The following USP31 variants were observed in gnomAD, a reference collection of about 807,000 sequenced individuals.
USP31 encodes the protein ubiquitin specific peptidase 31, also known as ubiquitin carboxyl-terminal hydrolase 31.
In USP31, 44 loss-of-function variants were observed where a neutral mutation model predicts 119.4. The observed-to-expected ratio is 0.37, with a 90% CI of 0.29 to 0.47. USP31 has a LOEUF of 0.47. Ranked by LOEUF, USP31 falls within the 20% of genes least tolerant of loss-of-function variation. The pLI is 0.99. For missense variants in USP31, 1,643 were observed against 1,730.2 expected (o/e 0.95, Z 0.89); for synonymous variants, 749 against 705.6 (o/e 1.06, Z -0.97).
chr16:23,113,048 TA>T (rs1323503069), intron 1 of USP31, among the ~76,000 whole-genome samples: 3 of 150,298 alleles, frequency 2.0e-5, no homozygotes, highest in East Asian at 3.9e-4. Context: ...AAAGAATTAA[TA>T]AAAAAAACAT....
At chr16:23,113,442 G>A (rs910579938) in intron 1 of USP31, among the ~76,000 whole-genome samples, 2 of 152,178 alleles carry the variant, frequency 1.3e-5, no homozygotes, top group Non-Finnish European at 2.9e-5. Flanking sequence ...GAAGCAAAGA[G>A]GTGGCAGCCA....
At chr16:23,099,916 G>A (rs1013797717) in intron 6 of USP31, among the ~76,000 whole-genome samples, 2 of 152,112 alleles carry the variant, frequency 1.3e-5, no homozygotes, top group African/African-American at 4.8e-5. Context: ...TGGCCAACAA[G>A]CACAAGAAAA....
At chr16:23,116,229 A>C (rs1156503017) in intron 1 of USP31, among the ~76,000 whole-genome samples, 1 of 152,128 alleles carries the variant, frequency 6.6e-6, no homozygotes, top group Admixed American at 6.5e-5. Context: ...AAACAAAAAA[A>C]ACAGAAGAAC....
At chr16:23,071,002 T>C (rs145957936) in intron 15 of USP31, among the ~76,000 whole-genome samples, 240 of 152,276 alleles carry the variant, frequency 1.6e-3, no homozygotes, top group African/African-American at 5.6e-3. Flanking sequence ...TGACAGTGAA[T>C]TCTAAGTTTA....
At position 23,063,168 on chromosome 16, in the gene USP31, A is replaced by G. The variant is rs1289577887; in HGVS notation, c.*4878T>C. On this transcript the variant is annotated 3_prime_UTR_variant, in exon 16 of 16. Coordinates refer to ENST00000219689, the MANE Select transcript of USP31 (RefSeq NM_020718.4). ...TCAGAAGAGGCTTAAAAGAATCTTG[A>G]GGAAAATACATGTGTGAGATTCAAA... The G allele has an allele frequency of 6.6e-6, 1 of 152,240 alleles. No homozygotes were observed. Among genetic ancestry groups the G allele is most frequent in the Non-Finnish European group, 1.5e-5 (1 of 68,044 alleles). The allele number at this position is 152,240 out of a possible 1,614,324, so 9.4% of individuals were successfully genotyped here.
In USP31 at chr16:23,102,407, G is replaced by A. The variant is rs372122291; in HGVS notation, c.1146C>T (p.Asp382=). 20 of 1,613,616 alleles carry A rather than the reference G, an allele frequency of 1.2e-5. No individual in the cohort carries two copies. Among genetic ancestry groups the A allele is most frequent in the Admixed American group, 3.3e-5 (2 of 59,976 alleles). Residue 382 remains aspartate (D), a synonymous_variant, in exon 6 of 16, where the codon GAC becomes GAT. Coordinates refer to ENST00000219689, the MANE Select transcript of USP31 (RefSeq NM_020718.4). ...DGFHRSFCDT[D]DLETVHESDC... ...CGCTTTCATGGACTGTTTCCAGGTC[G>A]TCTGTATCACAAAAGGAACGATGGA...
At chr16:23,130,324 G>A (rs945795779) in intron 1 of USP31, among the ~76,000 whole-genome samples, 23 of 152,168 alleles carry the variant, frequency 1.5e-4, no homozygotes, top group Middle Eastern at 6.8e-3. Context: ...GGTGGCTCAC[G>A]CCCATAATCC....
Position 23,069,579 on chromosome 16 carries a change from C to T in USP31, c.2526G>A (p.Gln842=). The change falls in exon 16 of 16, where the codon CAG becomes CAA. Residue 842 remains glutamine, a synonymous_variant. Transcript: ENST00000219689. ...AAGATCTGGATGACAAACTCTGACG[C>T]TGGACACTTCTCACAAATGGTCGAG... ...FSTRPFVRSV[Q]RQSLSSRSSV... The T allele has an allele frequency of 6.2e-7, 1 of 1,611,630 alleles. No individual in the cohort carries two copies. Among genetic ancestry groups the T allele is most frequent in the Non-Finnish European group, 8.5e-7 (1 of 1,177,928 alleles).
rs770293261 is a variant in USP31, at chr16:23,068,694, G to A, written c.3411C>T (p.Ala1137=). ...STSAKKASGP[A]TRSPFPPGKS... ...TCCCAGGTGGGAAAGGGCTCCTTGT[G>A]GCAGGGCCCGAGGCCTTTTTGGCAG... Residue 1137 remains alanine (A), a synonymous_variant, in exon 16 of 16, where the codon GCC becomes GCT. Transcript: ENST00000219689. 1 of 1,614,076 alleles carries A rather than the reference G, an allele frequency of 6.2e-7. No individual in the cohort carries two copies. The highest frequency in any genetic ancestry group is 8.5e-7 in the Non-Finnish European group (1 of 1,179,970).
chr16:23,143,975 A>G (rs972961552), intron 1 of USP31, among the ~76,000 whole-genome samples: 1 of 152,178 alleles, frequency 6.6e-6, no homozygotes, highest in Admixed American at 6.5e-5. Flanking sequence ...TCTGTGTGAA[A>G]AGAGAAAGGA....
intron 11 of USP31, among the ~76,000 whole-genome samples, chr16:23,084,357 C>T (rs189805506): frequency 4.6e-5 from 7 of 152,300 alleles, no homozygotes; most frequent in East Asian, 1.9e-4. Flanking sequence ...TCTATATCTA[C>T]GCTGTTCAAT....
intron 15 of USP31, among the ~76,000 whole-genome samples, chr16:23,071,093 G>A (rs1478687816): frequency 1.3e-5 from 2 of 152,188 alleles, no homozygotes; most frequent in African/African-American, 2.4e-5. Context: ...GGAGCCGGAA[G>A]GAGCTTAGGA....
rs569691010 is a variant in USP31 at position 23,111,804 on chromosome 16, C to T, written c.634-3621G>A. Among the ~76,000 whole-genome samples, 5 of 152,152 alleles carry T rather than the reference C, an allele frequency of 3.3e-5. No homozygotes were observed. The East Asian group carries it at 9.7e-4, about 29-fold the overall frequency. ...GTGTCCAAGAGTCAAATGAAGAGAG[C>T]TTCATGAAGAAAAGGGTGATCAACA... On this transcript the variant is annotated intron_variant, in intron 1 of 15. Transcript: ENST00000219689.
intron 1 of USP31, among the ~76,000 whole-genome samples, chr16:23,118,518 C>G (rs1195495873): frequency 6.6e-6 from 1 of 152,050 alleles, no homozygotes; most frequent in Non-Finnish European, 1.5e-5. Context: ...CACAGCCACA[C>G]TGGAAAAGCT....
At chr16:23,069,833 C>A (rs1406572689) in intron 15 of USP31, among the ~76,000 whole-genome samples, 1 of 152,198 alleles carries the variant, frequency 6.6e-6, no homozygotes, top group Admixed American at 6.5e-5. Flanking sequence ...AACTCAGGAT[C>A]ATTCTAACAC....
At chr16:23,140,268 A>G (rs991134712) in intron 1 of USP31, among the ~76,000 whole-genome samples, 1 of 152,078 alleles carries the variant, frequency 6.6e-6, no homozygotes, top group African/African-American at 2.4e-5. Flanking sequence ...CCTTCATTCC[A>G]AATCAGTGGT....
chr16:23,116,414 G>A (rs993187189), intron 1 of USP31, among the ~76,000 whole-genome samples: 1 of 152,176 alleles, frequency 6.6e-6, no homozygotes, highest in Non-Finnish European at 1.5e-5. Context: ...CGCCTACTAA[G>A]TTGATGAAGA....
intron 1 of USP31, among the ~76,000 whole-genome samples, chr16:23,145,892 T>A (rs1038992672): frequency 2.6e-5 from 4 of 151,942 alleles, no homozygotes; most frequent in African/African-American, 9.7e-5. Flanking sequence ...AAATGGGAGG[T>A]GAATGAATGA....
chr16:23,091,997 T>G (rs148757138), intron 6 of USP31, among the ~76,000 whole-genome samples: 1 of 152,312 alleles, frequency 6.6e-6, no homozygotes, highest in African/African-American at 2.4e-5. Context: ...AGAATAGATG[T>G]GGACTCCTGA....
Sources: gnomAD v4.1 joint callset for allele counts (sites outside exome capture counted in the v4.1 genomes callset) on GRCh38, gnomAD v4.1.1 for gene constraint, MANE v1.5 for transcripts, NCBI Gene and HGNC (gene_info 2026-07-23, HGNC 2026-07-21) for gene names.